The following PNOC variants were observed in gnomAD, a reference collection of about 807,000 sequenced individuals.
PNOC encodes nociceptin.
PNOC carries 10 observed loss-of-function variants against 15.6 expected under a neutral mutation model. The ratio of observed to expected loss-of-function variants is 0.64; its 90% CI spans 0.40 to 1.09. The LOEUF (loss-of-function observed/expected upper bound fraction) is 1.09. Among genes scored for constraint, PNOC ranks in the 50% least tolerant of loss-of-function variants. The pLI is 0.01. For missense variants in PNOC, 220 were observed against 223.9 expected (o/e 0.98, Z 0.11); for synonymous variants, 98 against 88.5 (o/e 1.11, Z -0.60).
At chr8:28,318,186 G>C (rs1346386667) in intron 1 of PNOC, among the ~76,000 whole-genome samples, 2 of 152,050 alleles carry the variant, frequency 1.3e-5, no homozygotes, top group African/African-American at 4.8e-5. Context: ...CTCGAGTCTT[G>C]CTTCCCCGGC....
At position 28,330,396 on chromosome 8, in the gene PNOC, A is replaced by ATTTTATTTTTTT. The variant is rs377288105; in HGVS notation, c.126+1117_126+1118insATTTTTTTTTTT. 4.1e-3 allele frequency among the ~76,000 whole-genome samples: 328 copies of ATTTTATTTTTTT among 80,426 alleles called. 11 individuals are homozygous for ATTTTATTTTTTT. The highest frequency in any genetic ancestry group is 0.012 in the African/African-American group (318 of 25,646). 52.8% of individuals were successfully genotyped at this position (80,426 alleles called of 152,430 possible). A position where few individuals can be genotyped will look rare whatever the true frequency, so the allele number is the denominator to read the frequency against. ...ATTTTATTTTATTTTATTTTATTTT[A>ATTTTATTTTTTT]TTTTTTTTTTTTTTTTGAGACGGAG... On this transcript the variant is annotated intron_variant, in intron 2 of 3. Transcript: ENST00000301908.
chr8:28,330,228 G>C (rs1242716388), intron 2 of PNOC, among the ~76,000 whole-genome samples: 2 of 151,990 alleles, frequency 1.3e-5, no homozygotes, highest in South Asian at 2.1e-4. Flanking sequence ...TTACAGGCAT[G>C]AGCCACCGTG....
intron 3 of PNOC, among the ~76,000 whole-genome samples, chr8:28,342,471 G>A (rs939966982): frequency 3.3e-5 from 5 of 152,004 alleles, no homozygotes; most frequent in Admixed American, 1.3e-4. Flanking sequence ...CTGGTCTTAG[G>A]GTTCTGCCTT....
chr8:28,322,615 C>T (rs1363275523), intron 1 of PNOC, among the ~76,000 whole-genome samples: 1 of 152,148 alleles, frequency 6.6e-6, no homozygotes, highest in Non-Finnish European at 1.5e-5. Flanking sequence ...TAGGGTGATG[C>T]TTATAAAGCA....
intron 2 of PNOC, among the ~76,000 whole-genome samples, chr8:28,335,796 T>C (rs548884680): frequency 2.0e-5 from 3 of 152,310 alleles, no homozygotes; most frequent in Admixed American, 2.0e-4. Context: ...CCCAAAGTGC[T>C]GGGATTATAG....
intron 3 of PNOC, among the ~76,000 whole-genome samples, chr8:28,340,789 G>A (rs1057324861): frequency 1.3e-5 from 2 of 152,178 alleles, no homozygotes; most frequent in African/African-American, 4.8e-5. Context: ...GGGGGCAAGA[G>A]GGGGAAAAGG....
intron 3 of PNOC, among the ~76,000 whole-genome samples, chr8:28,340,781 G>T (rs937039325): frequency 2.6e-5 from 4 of 152,176 alleles, no homozygotes; most frequent in Admixed American, 6.5e-5. Context: ...TGGCAAGAGG[G>T]GGCAAGAGGG....
chr8:28,328,356 G>A (rs900016805), intron 1 of PNOC, among the ~76,000 whole-genome samples: 4 of 152,088 alleles, frequency 2.6e-5, no homozygotes, highest in Non-Finnish European at 2.9e-5. Context: ...GGGATTACAG[G>A]CATGAGCCAC....
At chr8:28,326,382 A>G (rs1331252459) in intron 1 of PNOC, among the ~76,000 whole-genome samples, 2 of 152,004 alleles carry the variant, frequency 1.3e-5, no homozygotes, top group African/African-American at 4.8e-5. Context: ...TTGATTTAAC[A>G]AACACTTATT....
chr8:28,318,406 C>A (rs1801093994), intron 1 of PNOC, among the ~76,000 whole-genome samples: 1 of 152,200 alleles, frequency 6.6e-6, no homozygotes, highest in South Asian at 2.1e-4. Context: ...CATTGTTCGG[C>A]AGACTAACAA....
At chr8:28,339,514 G>A (rs1261978081) in intron 3 of PNOC, 23 bp downstream of exon 3, 2 of 1,474,530 alleles carry the variant, frequency 1.4e-6, no homozygotes, top group African/African-American at 1.4e-5. Flanking sequence ...CCAATAAGCT[G>A]GGGGCAAGGA....
chr8:28,340,045 G>C (rs570620128), intron 3 of PNOC: 1 of 152,332 alleles, frequency 6.6e-6, no homozygotes, highest in South Asian at 2.1e-4. Context: ...GTTAAGATTA[G>C]GAGTTGTGGT....
intron 2 of PNOC, among the ~76,000 whole-genome samples, chr8:28,329,511 T>C (rs1801287740): frequency 6.6e-6 from 1 of 152,248 alleles, no homozygotes; most frequent in South Asian, 2.1e-4. Context: ...CTGCCTGTGA[T>C]GCCAGGTCAT....
chr8:28,325,872 T>C (rs1158517658), intron 1 of PNOC, among the ~76,000 whole-genome samples: 1 of 152,072 alleles, frequency 6.6e-6, no homozygotes, highest in Non-Finnish European at 1.5e-5. Context: ...AGATTGGAGA[T>C]GGCTTGGGGG....
intron 1 of PNOC, among the ~76,000 whole-genome samples, chr8:28,319,402 G>A (rs1487573647): frequency 1.3e-5 from 2 of 152,156 alleles, no homozygotes; most frequent in African/African-American, 4.8e-5. Flanking sequence ...GAAGAATTCG[G>A]GAGAAGGAGC....
At chr8:28,332,850 C>G (rs779852293) in intron 2 of PNOC, among the ~76,000 whole-genome samples, 2 of 152,206 alleles carry the variant, frequency 1.3e-5, no homozygotes, top group Non-Finnish European at 2.9e-5. Flanking sequence ...ACTCAGGAGG[C>G]TGAGGCAGAA....
intron 1 of PNOC, among the ~76,000 whole-genome samples, chr8:28,321,965 T>C (rs1419923089): frequency 6.6e-6 from 1 of 152,168 alleles, no homozygotes; most frequent in Admixed American, 6.5e-5. Flanking sequence ...ATAAGCTCCA[T>C]TGTAGGAGTC....
chr8:28,321,206 A>ATTTTTTTTT (rs34876674), intron 1 of PNOC, among the ~76,000 whole-genome samples: 1 of 122,792 alleles, frequency 8.1e-6, no homozygotes, highest in Non-Finnish European at 1.6e-5. Context: ...ACCTAGCTAA[A>ATTTTTTTTT]TTTTTTTTTT....
rs778508538 is a variant in PNOC, at chr8:28,339,073, C to T, written c.160C>T (p.Pro54Ser). ...CILECEEKVF[P>S]SPLWTPCTKV... ...CCTCGAGTGTGAAGAGAAGGTCTTC[C>T]CCAGCCCCCTCTGGACTCCATGCAC... Residue 54 changes from proline (P) to serine (S), a missense_variant, in exon 3 of 4, where the codon CCC becomes TCC. Transcript: ENST00000301908. 2.5e-6 allele frequency: 4 copies of T among 1,592,796 alleles called. No homozygotes were observed. The African/African-American group carries it at 5.4e-5, about 21-fold the overall frequency.
Sources: allele counts gnomAD v4.1 joint callset (sites outside exome capture counted in the v4.1 genomes callset), GRCh38; gene constraint gnomAD v4.1.1; transcripts MANE v1.5; gene names NCBI Gene and HGNC (gene_info 2026-07-23, HGNC 2026-07-21).